The following GTF2H3 variants were observed in gnomAD, a reference collection of about 807,000 sequenced individuals.
The protein encoded by GTF2H3 is TFIIH basal transcription factor complex p34 subunit.
A neutral mutation model predicts 51.1 loss-of-function variants in GTF2H3; 42 were observed. The ratio of observed to expected loss-of-function variants is 0.82; its 90% CI spans 0.64 to 1.06. GTF2H3 has a LOEUF of 1.06. Ranked by LOEUF, GTF2H3 falls within the 50% of genes least tolerant of loss-of-function variation. The pLI is 0.00. For synonymous variants in GTF2H3, 123 were observed against 123.8 expected, an observed-to-expected ratio of 0.99 and a Z score of 0.04; for missense variants, 326 against 366.1, an observed-to-expected ratio of 0.89 and a Z score of 0.89.
At chr12:123,657,427 G>C (rs1955600991) in intron 9 of GTF2H3, among the ~76,000 whole-genome samples, 1 of 152,190 alleles carries the variant, frequency 6.6e-6, no homozygotes, top group African/African-American at 2.4e-5. Flanking sequence ...AAACAGGCCT[G>C]CTTCGGCCAG....
intron 1 of GTF2H3, among the ~76,000 whole-genome samples, chr12:123,635,693 G>T (rs201211573): frequency 6.6e-6 from 1 of 151,640 alleles, no homozygotes; most frequent in East Asian, 2.0e-4. Context: ...GATTACAGGC[G>T]TGAGCCACTA....
At chr12:123,641,535 T>TTG (rs1955373537) in intron 2 of GTF2H3, among the ~76,000 whole-genome samples, 5 of 145,276 alleles carry the variant, frequency 3.4e-5, no homozygotes, top group African/African-American at 1.4e-4. Context: ...CCGTTTTTTT[T>TTG]TTTGTGTGTT....
In GTF2H3 at chr12:123,657,389, G is replaced by A. The variant is rs116661190; in HGVS notation, c.615+1565G>A. 4.2e-3 allele frequency among the ~76,000 whole-genome samples: 635 copies of A among 152,262 alleles called. 2 individuals carry two copies. Among genetic ancestry groups the A allele is most frequent in the African/African-American group, 0.014 (588 of 41,554 alleles). On this transcript the variant is annotated intron_variant, in intron 9 of 12. Coordinates refer to ENST00000543341, the MANE Select transcript of GTF2H3 (RefSeq NM_001516.5). ...CTTCCACACTCTCCCTCTTCAGTCCGGCCCCACCGCCCCCTTGCTATTGCC... is the reference window on the plus strand; with the variant it reads ...CTTCCACACTCTCCCTCTTCAGTCCAGCCCCACCGCCCCCTTGCTATTGCC...
intron 2 of GTF2H3, among the ~76,000 whole-genome samples, chr12:123,642,161 ATTTTCTTTTTC>A (rs1593797055): frequency 8.2e-6 from 1 of 122,620 alleles, no homozygotes; most frequent in Non-Finnish European, 1.7e-5. Context: ...GCCTTCAGTT[ATTTTCTTTTTC>A]TTTTCTTTTT....
chr12:123,655,735 A>G (rs1396584849), intron 8 of GTF2H3, 36 bp from the exon 9 acceptor site: 2 of 1,225,204 alleles, frequency 1.6e-6, no homozygotes, highest in African/African-American at 1.5e-5. Flanking sequence ...CATTATTGTT[A>G]TTATTCCTGT....
chr12:123,637,754 C>A (rs1280537541), intron 1 of GTF2H3, among the ~76,000 whole-genome samples: 3 of 151,540 alleles, frequency 2.0e-5, no homozygotes, highest in Non-Finnish European at 4.4e-5. Flanking sequence ...CTGCCCACCT[C>A]AGCCTCCCAA....
At chr12:123,647,136 G>A (rs1433769197) in intron 3 of GTF2H3, among the ~76,000 whole-genome samples, 1 of 128,462 alleles carries the variant, frequency 7.8e-6, no homozygotes, top group Non-Finnish European at 1.6e-5. Context: ...CTGGGCGACA[G>A]AGCAAGACCC....
chr12:123,654,622 G>T (rs1042015529), intron 7 of GTF2H3, among the ~76,000 whole-genome samples: 1 of 151,736 alleles, frequency 6.6e-6, no homozygotes, highest in Non-Finnish European at 1.5e-5. Flanking sequence ...GGGGGCGTGT[G>T]TGTATTTTGG....
At chr12:123,644,263 A>T (rs1166744182) in intron 2 of GTF2H3, among the ~76,000 whole-genome samples, 1 of 152,146 alleles carries the variant, frequency 6.6e-6, no homozygotes, top group South Asian at 2.1e-4. Context: ...TTCTCTGAAC[A>T]TATGAGTACC....
chr12:123,662,545 A>G lies in GTF2H3; in HGVS notation c.*2310A>G, dbSNP rs1955670322. The G allele has an allele frequency of 6.6e-6, 1 of 152,150 alleles. No homozygotes were observed. Among genetic ancestry groups the G allele is most frequent in the Admixed American group, 6.6e-5 (1 of 15,266 alleles). 9.4% of individuals were successfully genotyped at this position (152,150 alleles called of 1,614,324 possible). A position where few individuals can be genotyped will look rare whatever the true frequency, so the allele number is the denominator to read the frequency against. On this transcript the variant is annotated 3_prime_UTR_variant, in exon 13 of 13. Transcript: ENST00000543341. Reference sequence around the variant, plus strand: ...GGTTAGTTCTGTTTAACTTGTTTTTAACTGTTGCCCTTATGAGTTATTTTA... The same window carrying G: ...GGTTAGTTCTGTTTAACTTGTTTTTGACTGTTGCCCTTATGAGTTATTTTA...
In GTF2H3 at chr12:123,637,097, A is replaced by G. The variant is rs1291597517; in HGVS notation, c.14-2167A>G. ...TCAAAAATTTGTTTAAAAATACATA[A>G]ATAAATAAATGAGCATCCTGGGCCT... On this transcript the variant is annotated intron_variant, in intron 1 of 12. Coordinates refer to ENST00000543341, the MANE Select transcript of GTF2H3 (RefSeq NM_001516.5). 2.6e-5 allele frequency among the ~76,000 whole-genome samples: 4 copies of G among 152,204 alleles called. 1 individual carries two copies. In the East Asian group the frequency reaches 7.7e-4, roughly 29 times the overall value.
chr12:123,639,073 G>T (rs1363002165), intron 1 of GTF2H3, among the ~76,000 whole-genome samples, 191 bp from the exon 2 acceptor site: 1 of 152,212 alleles, frequency 6.6e-6, no homozygotes, highest in Non-Finnish European at 1.5e-5. Context: ...GGGGTTACAG[G>T]CGTGAGCCAC....
rs564771708 is a variant in GTF2H3 at position 123,634,346 on chromosome 12, G to T, written c.13+474G>T. On this transcript the variant is annotated intron_variant, in intron 1 of 12. Coordinates refer to ENST00000543341, the MANE Select transcript of GTF2H3 (RefSeq NM_001516.5). ...GGTCCCAGCTACGCGGGAGGCTGAG[G>T]CGGGAGAATCACTTGAGCCCAGGAA... Among the ~76,000 whole-genome samples the T allele has an allele frequency of 5.9e-5, 9 of 152,322 alleles. 1 individual carries two copies. The East Asian group carries it at 1.7e-3, about 29-fold the overall frequency.
chr12:123,658,088 C>G (rs1469227794), intron 9 of GTF2H3, among the ~76,000 whole-genome samples: 1 of 152,150 alleles, frequency 6.6e-6, no homozygotes, highest in African/African-American at 2.4e-5. Context: ...TAGACAGAGT[C>G]TTGCTCTTGC....
In GTF2H3 at chr12:123,655,716, TA is replaced by T. The variant is rs1428466773; in HGVS notation, c.562-54del. 1.7e-5 allele frequency: 17 copies of T among 1,027,126 alleles called. No individual in the cohort carries two copies. The East Asian group carries it at 1.7e-4, about 10-fold the overall frequency. 63.6% of individuals were successfully genotyped at this position (1,027,126 alleles called of 1,614,324 possible). A position where few individuals can be genotyped will look rare whatever the true frequency, so the allele number is the denominator to read the frequency against. ...TATGGCATGTAGTAGGTTCTCAGTA[TA>T]GGGTAATCATTATTGTTATTATTCC... On this transcript the variant is annotated intron_variant, in intron 8 of 12. Coordinates refer to ENST00000543341, the MANE Select transcript of GTF2H3 (RefSeq NM_001516.5).
chr12:123,648,226 T>C (rs1396081850), intron 4 of GTF2H3, 100 bp downstream of exon 4: 1 of 734,402 alleles, frequency 1.4e-6, no homozygotes, highest in Non-Finnish European at 2.2e-6. Context: ...GTTGTATGCC[T>C]GCACGTTCTC....
At chr12:123,643,053 A>T (rs1450383809) in intron 2 of GTF2H3, among the ~76,000 whole-genome samples, 1 of 151,956 alleles carries the variant, frequency 6.6e-6, no homozygotes, top group African/African-American at 2.4e-5. Flanking sequence ...TTGTGTGTGT[A>T]TTTTAGTAGA....
intron 1 of GTF2H3, among the ~76,000 whole-genome samples, chr12:123,634,610 G>A (rs1368126707): frequency 6.6e-6 from 1 of 152,216 alleles, no homozygotes; most frequent in Non-Finnish European, 1.5e-5. Flanking sequence ...GAATGATTAT[G>A]TGAAGTTCTG....
chr12:123,657,102 G>A (rs1955596230), intron 9 of GTF2H3, among the ~76,000 whole-genome samples: 1 of 151,874 alleles, frequency 6.6e-6, no homozygotes, highest in Non-Finnish European at 1.5e-5. Context: ...GTGAAAGTTG[G>A]TTCTCAGAAC....
Sources: gnomAD v4.1 joint callset for allele counts (sites outside exome capture counted in the v4.1 genomes callset) on GRCh38, gnomAD v4.1.1 for gene constraint, MANE v1.5 for transcripts, NCBI Gene and HGNC (gene_info 2026-07-23, HGNC 2026-07-21) for gene names.